The following SOCS4 variants were observed in gnomAD, a reference collection of about 807,000 sequenced individuals.
The protein encoded by SOCS4 is suppressor of cytokine signaling 4.
Under a neutral mutation model 34.1 loss-of-function variants are expected in SOCS4, and 20 were observed. The observed-to-expected ratio is 0.59, with a 90% CI of 0.41 to 0.85. The LOEUF (loss-of-function observed/expected upper bound fraction) is 0.85. Among genes scored for constraint, SOCS4 ranks in the 40% least tolerant of loss-of-function variants. The pLI, the probability that SOCS4 is intolerant of heterozygous loss-of-function variation, is 0.00. For missense variants in SOCS4, 479 were observed against 532.4 expected, an observed-to-expected ratio of 0.90 and a Z score of 0.99; for synonymous variants, 180 against 186.4, an observed-to-expected ratio of 0.97 and a Z score of 0.28.
chr14:55,045,303 T>TG lies in SOCS4; in HGVS notation c.*943dup, dbSNP rs949918296. 6.0e-6 allele frequency: 1 copy of TG among 167,034 alleles called. No individual in the cohort carries two copies. The highest frequency in any genetic ancestry group is 1.5e-5 in the Non-Finnish European group (1 of 68,038). 10.3% of individuals were successfully genotyped at this position (167,034 alleles called of 1,614,324 possible). Reference sequence around the variant, plus strand: ...TTATAGAAACTCTGAGCTGTTACTTTGGGGAAATTCCACAATGTATTAGCA... The same window carrying TG: ...TTATAGAAACTCTGAGCTGTTACTTTGGGGGAAATTCCACAATGTATTAGCA... On this transcript the variant is annotated 3_prime_UTR_variant, in exon 3 of 3. Transcript: ENST00000555846.
chr14:55,043,708 A>G lies in SOCS4; in HGVS notation c.667A>G (p.Ile223Val). 5 of 1,614,216 alleles carry G rather than the reference A, an allele frequency of 3.1e-6. No homozygotes were observed. Among genetic ancestry groups the G allele is most frequent in the East Asian group, 2.2e-5 (1 of 44,888 alleles). Residue 223 changes from isoleucine (I) to valine (V), a missense_variant, in exon 3 of 3, where the codon ATA (isoleucine) becomes GTA (valine). Physicochemically the swap from Ile to Val is conservative, Grantham distance 29 (BLOSUM62 3). Coordinates refer to ENST00000555846, the MANE Select transcript of SOCS4 (RefSeq NM_199421.2). ...SVMNLVSNNS[I>V]EDSDMDSDDE... ...GATGAACCTGGTTTCAAATAACAGTATAGAAGATAGTGATATGGATTCCGA... is the reference window on the plus strand; with the variant it reads ...GATGAACCTGGTTTCAAATAACAGTGTAGAAGATAGTGATATGGATTCCGA...
rs2042704140 is a variant in SOCS4 at position 55,049,224 on chromosome 14, A to G, written c.*4860A>G. 6.0e-6 allele frequency: 1 copy of G among 167,046 alleles called. No homozygotes were observed. The highest frequency in any genetic ancestry group is 2.4e-5 in the African/African-American group (1 of 41,460). 10.3% of individuals were successfully genotyped at this position (167,046 alleles called of 1,614,324 possible). A position where few individuals can be genotyped will look rare whatever the true frequency, so the allele number is the denominator to read the frequency against. ...TGTAAAACTCAAGGAGGTTTATTTA[A>G]ATTATGCTGACTTTGCTAGAATTGG... On this transcript the variant is annotated 3_prime_UTR_variant, in exon 3 of 3. Coordinates refer to ENST00000555846, the MANE Select transcript of SOCS4 (RefSeq NM_199421.2).
At position 55,045,544 on chromosome 14, in the gene SOCS4, A is replaced by G. The variant is rs1455601563; in HGVS notation, c.*1180A>G. On this transcript the variant is annotated 3_prime_UTR_variant, in exon 3 of 3. Transcript: ENST00000555846. ...AAAAAGAAAGCCTTTTGACAGCTACATGACTTACACCATACAGAACAGTAC... is the reference window on the plus strand; with the variant it reads ...AAAAAGAAAGCCTTTTGACAGCTACGTGACTTACACCATACAGAACAGTAC... 6.0e-6 allele frequency: 1 copy of G among 166,966 alleles called. No individual in the cohort carries two copies. Among genetic ancestry groups the G allele is most frequent in the Admixed American group, 6.5e-5 (1 of 15,286 alleles). The allele number at this position is 166,966 out of a possible 1,614,324, so 10.3% of individuals were successfully genotyped here.
At chr14:55,028,475 C>T (rs1461080324) in intron 1 of SOCS4, among the ~76,000 whole-genome samples, 3 of 151,082 alleles carry the variant, frequency 2.0e-5, no homozygotes, top group Non-Finnish European at 4.4e-5. Context: ...TTTTTTCGTT[C>T]AAGTAACAAT....
chr14:55,039,378 C>T (rs1013807332), intron 2 of SOCS4, among the ~76,000 whole-genome samples: 1 of 152,066 alleles, frequency 6.6e-6, no homozygotes, highest in African/African-American at 2.4e-5. Context: ...GTCGAGGCTG[C>T]AGCAAGCCAT....
At chr14:55,031,307 T>C (rs942202076) in intron 1 of SOCS4, among the ~76,000 whole-genome samples, 3 of 152,192 alleles carry the variant, frequency 2.0e-5, no homozygotes, top group African/African-American at 7.2e-5. Flanking sequence ...CTTTAGCTAA[T>C]AAGCTTAGGG....
intron 2 of SOCS4, among the ~76,000 whole-genome samples, chr14:55,033,915 T>C (rs1347246122): frequency 6.6e-6 from 1 of 152,172 alleles, no homozygotes; most frequent in East Asian, 1.9e-4. Flanking sequence ...GGTGGATCAT[T>C]TGAGGTCGAG....
At chr14:55,034,699 G>A (rs565511091) in intron 2 of SOCS4, among the ~76,000 whole-genome samples, 106 of 152,038 alleles carry the variant, frequency 7.0e-4, no homozygotes, top group African/African-American at 2.4e-3. Context: ...AGCCAGGCGC[G>A]GTGGCAGGTG....
At chr14:55,037,706 CT>C (rs1352199005) in intron 2 of SOCS4, among the ~76,000 whole-genome samples, 1 of 151,988 alleles carries the variant, frequency 6.6e-6, no homozygotes, top group Admixed American at 6.6e-5. Context: ...GTTGGCCAAG[CT>C]GGTCTTGAAC....
rs1566757874 is a variant in SOCS4 at position 55,044,935 on chromosome 14, C to A, written c.*571C>A. On this transcript the variant is annotated 3_prime_UTR_variant, in exon 3 of 3. Transcript: ENST00000555846. ...TTACTAATAGGGATGTTAAAAGTAA[C>A]AAAACCAAGTCAAACTTGGTGTATT... 6.0e-6 allele frequency: 1 copy of A among 166,862 alleles called. No individual in the cohort carries two copies. The highest frequency in any genetic ancestry group is 1.5e-5 in the Non-Finnish European group (1 of 68,052). The allele number at this position is 166,862 out of a possible 1,614,324, so 10.3% of individuals were successfully genotyped here.
At chr14:55,034,848 A>T (rs2042558167) in intron 2 of SOCS4, among the ~76,000 whole-genome samples, 1 of 147,664 alleles carries the variant, frequency 6.8e-6, no homozygotes, top group Non-Finnish European at 1.5e-5. Flanking sequence ...CATTGCATTA[A>T]CTCTCTCTCT....
rs2042646221 is a variant in SOCS4, at chr14:55,043,853, T to C, written c.812T>C (p.Val271Ala). ...AAATACCACACGCAGATTGATTATG[T>C]CCACTGTCTTGTACCAGACCTCCTT... ...PPKYHTQIDY[V>A]HCLVPDLLQI... Residue 271 changes from valine (V) to alanine (A), a missense_variant, in exon 3 of 3, where the codon GTC becomes GCC. Coordinates refer to ENST00000555846, the MANE Select transcript of SOCS4 (RefSeq NM_199421.2). 1 of 1,614,180 alleles carries C rather than the reference T, an allele frequency of 6.2e-7. No homozygotes were observed. The highest frequency in any genetic ancestry group is 8.5e-7 in the Non-Finnish European group (1 of 1,180,026).
At chr14:55,032,600 A>T (rs1034322568) in intron 2 of SOCS4, among the ~76,000 whole-genome samples, 3 of 152,032 alleles carry the variant, frequency 2.0e-5, no homozygotes, top group Non-Finnish European at 4.4e-5. Context: ...GTAAAAAATT[A>T]ATTATTGAAT....
intron 1 of SOCS4, chr14:55,027,868 G>A (rs919932281): frequency 6.6e-6 from 1 of 152,338 alleles, no homozygotes; most frequent in Middle Eastern, 3.4e-3. Context: ...GTTTACTGAA[G>A]TGAATATTTA....
At chr14:55,035,420 A>T (rs1167498595) in intron 2 of SOCS4, among the ~76,000 whole-genome samples, 1 of 152,154 alleles carries the variant, frequency 6.6e-6, no homozygotes, top group African/African-American at 2.4e-5. Flanking sequence ...TATGAGTTTC[A>T]CCTGTATCTG....
chr14:55,041,458 C>A (rs2042617178), intron 2 of SOCS4, among the ~76,000 whole-genome samples: 1 of 151,830 alleles, frequency 6.6e-6, no homozygotes, highest in African/African-American at 2.4e-5. Context: ...AGGACCCCTT[C>A]CCCAAGTTCC....
chr14:55,044,010 T>C lies in SOCS4; in HGVS notation c.969T>C (p.Ser323=). The C allele has an allele frequency of 6.2e-7, 1 of 1,614,120 alleles. No individual in the cohort carries two copies. The highest frequency in any genetic ancestry group is 8.5e-7 in the Non-Finnish European group (1 of 1,180,004). The change falls in exon 3 of 3, where the codon AGT becomes AGC. Residue 323 remains serine (S), a synonymous_variant. Transcript: ENST00000555846. ...AGGAAGACTATTTATTCTCTGTTAG[T>C]TTTAGACGCTATAGTCGTTCTCTTC... ...SAQEDYLFSV[S]FRRYSRSLHA... is the part of the protein sequence containing the mutation.
At chr14:55,028,415 A>T (rs1026890211) in intron 1 of SOCS4, among the ~76,000 whole-genome samples, 4 of 147,476 alleles carry the variant, frequency 2.7e-5, no homozygotes, top group South Asian at 4.3e-4. Context: ...GAGTGACCTA[A>T]TTTTTTTTTT....
chr14:55,039,757 A>G (rs1284985980), intron 2 of SOCS4, among the ~76,000 whole-genome samples: 1 of 152,160 alleles, frequency 6.6e-6, no homozygotes, highest in Non-Finnish European at 1.5e-5. Flanking sequence ...TTATCCGGGC[A>G]TGGTGGTGGG....
Sources: gnomAD v4.1 joint callset for allele counts (sites outside exome capture counted in the v4.1 genomes callset) on GRCh38, gnomAD v4.1.1 for gene constraint, MANE v1.5 for transcripts, NCBI Gene and HGNC (gene_info 2026-07-23, HGNC 2026-07-21) for gene names.